Variants in APBB2 observed in about 807,000 individuals in gnomAD.
The protein encoded by APBB2 is amyloid beta precursor protein binding family B member 2.
A neutral mutation model predicts 82.5 loss-of-function variants in APBB2; 38 were observed. The observed-to-expected ratio is 0.46, with a 90% confidence interval of 0.36 to 0.60. The LOEUF (loss-of-function observed/expected upper bound fraction) is 0.60. APBB2 is among the 20% of genes least tolerant of loss of function. APBB2 has a pLI of 0.00. For missense variants in APBB2, 772 were observed against 972.3 expected, an observed-to-expected ratio of 0.79 and a Z score of 2.74; for synonymous variants, 341 against 368.2, an observed-to-expected ratio of 0.93 and a Z score of 0.85.
intron 7 of APBB2, among the ~76,000 whole-genome samples, chr4:40,942,649 G>C (rs376605284): frequency 1.6e-4 from 24 of 152,226 alleles, no homozygotes; most frequent in Admixed American, 4.6e-4. Context: ...GGGGCTGTTG[G>C]GGGGGAACAC....
At chr4:41,207,732 C>T (rs906856345) in intron 1 of APBB2, 1 of 152,204 alleles carries the variant, frequency 6.6e-6, no homozygotes, top group Non-Finnish European at 1.5e-5. Context: ...CCCAGGGGCC[C>T]CATCAGCTGA....
intron 10 of APBB2, among the ~76,000 whole-genome samples, chr4:40,919,763 G>A (rs1780776298): frequency 6.6e-6 from 1 of 152,244 alleles, no homozygotes; most frequent in Non-Finnish European, 1.5e-5. Flanking sequence ...AGAGTAGGCT[G>A]TAGATTATCA....
intron 2 of APBB2, among the ~76,000 whole-genome samples, chr4:41,107,528 T>TA (rs1345491271): frequency 6.6e-6 from 1 of 152,166 alleles, no homozygotes; most frequent in African/African-American, 2.4e-5. Context: ...AAAACCATTC[T>TA]AGAAAGGGTT....
chr4:40,826,956 G>A lies in APBB2; in HGVS notation c.1732+176C>T. The A allele has an allele frequency of 3.4e-6, 2 of 591,536 alleles. No homozygotes were observed. The highest frequency in any genetic ancestry group is 2.2e-5 in the South Asian group (1 of 46,360). 36.6% of individuals were successfully genotyped at this position (591,536 alleles called of 1,614,324 possible). ...TCCTGGCTTTATGCCTAACCCTAGT[G>A]ATGCAAAATCAACTCTGTGCCTCTG... On this transcript the variant is annotated intron_variant, in intron 14 of 17. Coordinates refer to ENST00000508593, the MANE Select transcript of APBB2 (RefSeq NM_004307.2). This position sits in a 1 kb window ranked among gnomAD's most constrained non-coding sequence, Gnocchi z 4.5.
chr4:41,095,950 G>C (rs186011238), intron 3 of APBB2, among the ~76,000 whole-genome samples: 1 of 152,224 alleles, frequency 6.6e-6, no homozygotes, highest in East Asian at 1.9e-4. Context: ...CGATCTCAGG[G>C]TCCACTCTGT....
At chr4:41,115,908 GA>G (rs1285046586) in intron 2 of APBB2, among the ~76,000 whole-genome samples, 2 of 152,166 alleles carry the variant, frequency 1.3e-5, no homozygotes, top group African/African-American at 4.8e-5. Context: ...ACAGTGTGGC[GA>G]TTCCTCGAGG....
intron 4 of APBB2, among the ~76,000 whole-genome samples, chr4:41,061,838 A>T (rs1173198678): frequency 6.6e-6 from 1 of 152,388 alleles, no homozygotes; most frequent in Non-Finnish European, 1.5e-5. Flanking sequence ...AAGAAAATTA[A>T]AACTCCAGTC....
chr4:40,930,444 TGTGTGCGCGCGCGCGCGC>T (rs1214671848), intron 10 of APBB2, among the ~76,000 whole-genome samples: 9 of 60,894 alleles, frequency 1.5e-4, no homozygotes, highest in Non-Finnish European at 3.3e-4. Flanking sequence ...TGTGTGTGTG[TGTGTGCGCGCGCGCGCGC>T]GCGCGTGCGC....
chr4:41,064,804 C>T lies in APBB2; in HGVS notation c.-51+772G>A, dbSNP rs538318406. 2.0e-3 allele frequency among the ~76,000 whole-genome samples: 302 copies of T among 152,290 alleles called. 2 individuals are homozygous for T. The highest frequency in any genetic ancestry group is 6.8e-3 in the African/African-American group (283 of 41,564). On this transcript the variant is annotated intron_variant, in intron 4 of 17. Transcript: ENST00000508593. ...CTAAGAAGTAAGAGCCAGGAACTCC[C>T]TCCCTAATACATATTAAACAGAGAC...
chr4:41,108,127 T>C (rs1747906753), intron 2 of APBB2, among the ~76,000 whole-genome samples: 1 of 152,170 alleles, frequency 6.6e-6, no homozygotes, highest in Non-Finnish European at 1.5e-5. Flanking sequence ...GTTTTAAGTG[T>C]GTGCGTGTAA....
At chr4:41,112,998 C>A (rs1325607184) in intron 2 of APBB2, among the ~76,000 whole-genome samples, 5 of 150,402 alleles carry the variant, frequency 3.3e-5, no homozygotes, top group African/African-American at 4.9e-5. Flanking sequence ...AAAAAAAAAA[C>A]AATGTGGTTT....
chr4:40,966,328 C>T (rs1794644048), intron 6 of APBB2, among the ~76,000 whole-genome samples: 2 of 152,226 alleles, frequency 1.3e-5, no homozygotes, highest in Admixed American at 1.3e-4. Context: ...TTTGTGATGG[C>T]AGCGGTAGCC....
chr4:40,933,263 T>A (rs1272788846), intron 10 of APBB2, among the ~76,000 whole-genome samples: 1 of 152,154 alleles, frequency 6.6e-6, no homozygotes, highest in Non-Finnish European at 1.5e-5. Context: ...CCTGTCCATA[T>A]CTTGGTACCT....
intron 6 of APBB2, among the ~76,000 whole-genome samples, chr4:41,000,105 G>GTGTGTGTGTGTA (rs10694468): frequency 0.058 from 7,855 of 134,696 alleles, 419 homozygotes; most frequent in East Asian, 0.075. Context: ...GTGTGTGTGT[G>GTGTGTGTGTGTA]TATAAATTAG....
chr4:40,843,228 TA>T (rs1756461614), intron 12 of APBB2, among the ~76,000 whole-genome samples: 1 of 152,192 alleles, frequency 6.6e-6, no homozygotes, highest in African/African-American at 2.4e-5. Context: ...ACCCAATGTT[TA>T]CAGAAACCCG....
intron 1 of APBB2, among the ~76,000 whole-genome samples, chr4:41,152,687 C>T (rs1762582751): frequency 6.6e-6 from 1 of 152,132 alleles, no homozygotes; most frequent in Admixed American, 6.5e-5. Context: ...GACTGGAGAT[C>T]TTTGATTCTG....
At chr4:40,866,032 A>G (rs1293743430) in intron 12 of APBB2, among the ~76,000 whole-genome samples, 4 of 152,252 alleles carry the variant, frequency 2.6e-5, no homozygotes, top group Non-Finnish European at 5.9e-5. Flanking sequence ...GCACCTCCTC[A>G]GAAAGCGGGC....
intron 6 of APBB2, among the ~76,000 whole-genome samples, chr4:41,011,148 GTT>G (rs1029284742): frequency 5.6e-5 from 8 of 143,412 alleles, no homozygotes; most frequent in African/African-American, 2.0e-4. Flanking sequence ...GATTATTATT[GTT>G]TTTTTTTTTA....
intron 6 of APBB2, among the ~76,000 whole-genome samples, chr4:40,977,477 T>G (rs894528060): frequency 6.6e-6 from 1 of 152,120 alleles, no homozygotes; most frequent in Non-Finnish European, 1.5e-5. Flanking sequence ...CACACCCAAC[T>G]AATTTTTGTA....
Sources: allele counts gnomAD v4.1 joint callset (sites outside exome capture counted in the v4.1 genomes callset), GRCh38; gene constraint gnomAD v4.1.1; non-coding constraint Gnocchi (gnomAD v3.1); transcripts MANE v1.5; gene names NCBI Gene and HGNC (gene_info 2026-07-23, HGNC 2026-07-21).